GON4L: variants seen among roughly 807,000 people sequenced by gnomAD.
GON4L encodes GON-4-like protein.
GON4L carries 87 observed loss-of-function variants against 211.8 expected under a neutral mutation model. The ratio of observed to expected loss-of-function variants is 0.41; its 90% CI spans 0.35 to 0.49. GON4L has a LOEUF of 0.49. Ranked by LOEUF, GON4L falls within the 20% of genes least tolerant of loss-of-function variation. The pLI, the probability that GON4L is intolerant of heterozygous loss-of-function variation, is 0.15. For synonymous variants in GON4L, 875 were observed against 962.6 expected (o/e 0.91, Z 1.68); for missense variants, 2,155 against 2,659.5 (o/e 0.81, Z 4.17).
intron 12 of GON4L, among the ~76,000 whole-genome samples, chr1:155,793,480 G>C (rs1665794977): frequency 6.6e-6 from 1 of 152,160 alleles, no homozygotes; most frequent in East Asian, 1.9e-4. Flanking sequence ...TATTATTCCA[G>C]TACAGGGTCA....
intron 10 of GON4L, among the ~76,000 whole-genome samples, chr1:155,806,445 G>C (rs1358334726): frequency 4.0e-5 from 6 of 151,746 alleles, no homozygotes; most frequent in African/African-American, 1.5e-4. Context: ...TCCATACTCA[G>C]CTAATTTTTT....
At chr1:155,834,659 C>G (rs1670122660) in intron 2 of GON4L, among the ~76,000 whole-genome samples, 1 of 152,156 alleles carries the variant, frequency 6.6e-6, no homozygotes, top group Non-Finnish European at 1.5e-5. Flanking sequence ...CCTCCTGTTG[C>G]CCTCCTTTTA....
chr1:155,830,720 G>A (rs1448155489), intron 2 of GON4L, among the ~76,000 whole-genome samples: 2 of 152,004 alleles, frequency 1.3e-5, no homozygotes, highest in African/African-American at 2.4e-5. Context: ...CCAAGTAGCT[G>A]AGACTACAGG....
At position 155,767,539 on chromosome 1, in the gene GON4L, AAACTT is replaced by A; in HGVS notation, c.2647-3_2648del. 1.2e-6 allele frequency: 2 copies of A among 1,609,368 alleles called. No homozygotes were observed. The highest frequency in any genetic ancestry group is 1.7e-6 in the Non-Finnish European group (2 of 1,176,554). ...CTGGCAGCTGTTTGGTCTTCTTATA[AAACTT>A]AACATGAAAAAAATGCGCATGAATT... On this transcript the variant is annotated splice_acceptor_variant and splice_polypyrimidine_tract_variant and coding_sequence_variant and intron_variant, in exon 20 of 32. Transcript: ENST00000368331. LOFTEE classifies it high-confidence loss of function.
In GON4L at chr1:155,750,598, C is replaced by T. The variant is rs752311220; in HGVS notation, c.6712G>A (p.Glu2238Lys). ...TTCCCAGAGTCTCATTCATCCAGCT[C>T]CTCTTCAGACAGAAGGTCCCCATGG... ...SDHGDLLSEE[E>K]LDE is the part of the protein sequence containing the mutation. Residue 2238 changes from glutamate (E) to lysine (K), a missense_variant, in exon 32 of 32, where the codon GAG becomes AAG. Glu to Lys is a moderately conservative substitution (Grantham distance 56). Coordinates refer to ENST00000368331, the MANE Select transcript of GON4L (RefSeq NM_001282860.2). The T allele has an allele frequency of 8.2e-6, 13 of 1,588,116 alleles. No individual in the cohort carries two copies. The highest frequency in any genetic ancestry group is 1.1e-5 in the Non-Finnish European group (13 of 1,157,784).
At position 155,783,370 on chromosome 1, in the gene GON4L, AT is replaced by A. The variant is rs528281634; in HGVS notation, c.1892+615del. 1.2e-4 allele frequency among the ~76,000 whole-genome samples: 19 copies of A among 152,330 alleles called. No homozygotes were observed. In the South Asian group the frequency reaches 3.5e-3, roughly 28 times the overall value. On this transcript the variant is annotated intron_variant, in intron 14 of 31. Coordinates refer to ENST00000368331, the MANE Select transcript of GON4L (RefSeq NM_001282860.2). Reference sequence around the variant, plus strand: ...TTGTTCCACTTATGGCACAAACTGCATCCTGACATCTAGCCATCCATCTAAT... The same window carrying A: ...TTGTTCCACTTATGGCACAAACTGCACCTGACATCTAGCCATCCATCTAAT...
In GON4L at chr1:155,765,748, A is replaced by T. The variant is rs1329790570; in HGVS notation, c.3725T>A (p.Phe1242Tyr). The T allele has an allele frequency of 6.2e-7, 1 of 1,614,176 alleles. No homozygotes were observed. Among genetic ancestry groups the T allele is most frequent in the Non-Finnish European group, 8.5e-7 (1 of 1,180,028 alleles). Residue 1242 changes from phenylalanine to tyrosine, a missense_variant, in exon 21 of 32, where the codon TTT becomes TAT. By Grantham distance (22) the Phe-to-Tyr change is conservative. Transcript: ENST00000368331. The stretch of plus-strand genomic sequence containing the variant: ...CTCTAATTTGGGTTCTAGGCCCTGA[A>T]AGGCATTTTCCCCATCAGCCACAGC... The part of the protein sequence containing the change: ...ACAVADGENA[F>Y]QGLEPKLEPQ...
intron 2 of GON4L, among the ~76,000 whole-genome samples, chr1:155,840,756 G>A (rs1480001542): frequency 6.6e-6 from 1 of 152,166 alleles, no homozygotes; most frequent in Non-Finnish European, 1.5e-5. Context: ...CTTTAGGACG[G>A]GCGCAGTTGA....
intron 2 of GON4L, chr1:155,845,317 C>T (rs889155743): frequency 3.8e-4 from 73 of 192,532 alleles, no homozygotes; most frequent in African/African-American, 1.6e-3. Flanking sequence ...AATTTGCATG[C>T]TAAAAGAAAC....
intron 2 of GON4L, among the ~76,000 whole-genome samples, chr1:155,843,500 C>T (rs1174634378): frequency 6.6e-6 from 1 of 152,164 alleles, no homozygotes; most frequent in East Asian, 1.9e-4. Flanking sequence ...CTACTATTAC[C>T]TGGACCTAGG....
At chr1:155,747,960 G>T (rs566525258), downstream of GON4L, 18 of 1,572,410 alleles carry the variant, frequency 1.1e-5, no homozygotes, top group African/African-American at 2.2e-4. Flanking sequence ...ATGCAAACTG[G>T]TTTTTTTCTT....
At chr1:155,797,382 C>T (rs1479185257) in intron 11 of GON4L, among the ~76,000 whole-genome samples, 1 of 151,880 alleles carries the variant, frequency 6.6e-6, no homozygotes, top group Admixed American at 6.6e-5. Flanking sequence ...CTAAAAAGTG[C>T]TGGGATTACA....
At chr1:155,849,972 G>C (rs1050303031) in intron 2 of GON4L, among the ~76,000 whole-genome samples, 10 of 132,602 alleles carry the variant, frequency 7.5e-5, no homozygotes, top group Admixed American at 2.5e-4. Flanking sequence ...TCCTGATCTA[G>C]TATATTCTGC....
chr1:155,763,163 G>A lies in GON4L; in HGVS notation c.4726+149C>T, dbSNP rs540478344. On this transcript the variant is annotated intron_variant, in intron 22 of 31. Transcript: ENST00000368331. Reference sequence around the variant, plus strand: ...TCCACAAAGATACCACATTAAACATGTTTTGGGGGAGGGGTGTTGCAGAAG... The same window carrying A: ...TCCACAAAGATACCACATTAAACATATTTTGGGGGAGGGGTGTTGCAGAAG... The A allele has an allele frequency of 3.4e-4, 212 of 619,186 alleles. 2 individuals are homozygous for A. In the Admixed American group the frequency reaches 6.3e-3, roughly 18 times the overall value. The allele number at this position is 619,186 out of a possible 1,614,324, so 38.4% of individuals were successfully genotyped here.
At chr1:155,855,184 A>G (rs1386774177) in intron 1 of GON4L, among the ~76,000 whole-genome samples, 1 of 152,190 alleles carries the variant, frequency 6.6e-6, no homozygotes, top group Non-Finnish European at 1.5e-5. Flanking sequence ...TTACTGACCT[A>G]AACCAGAGGG....
intron 10 of GON4L, among the ~76,000 whole-genome samples, chr1:155,812,723 T>G (rs1345773928): frequency 6.6e-6 from 1 of 152,040 alleles, no homozygotes; most frequent in Non-Finnish European, 1.5e-5. Context: ...ACCTGGCAAA[T>G]TTTTGTATTT....
At chr1:155,770,433 A>C (rs1360059925) in intron 19 of GON4L, among the ~76,000 whole-genome samples, 1 of 152,236 alleles carries the variant, frequency 6.6e-6, no homozygotes, top group African/African-American at 2.4e-5. Flanking sequence ...GGAAGGCTAA[A>C]GTGGAAGGAT....
intron 10 of GON4L, among the ~76,000 whole-genome samples, chr1:155,810,039 A>C (rs982327896): frequency 6.8e-6 from 1 of 146,630 alleles, no homozygotes; most frequent in African/African-American, 2.5e-5. Flanking sequence ...TCTGTCACCC[A>C]GGCTGGAGTG....
At chr1:155,760,915 C>T (rs1183545316) in intron 23 of GON4L, among the ~76,000 whole-genome samples, 1 of 152,220 alleles carries the variant, frequency 6.6e-6, no homozygotes, top group African/African-American at 2.4e-5. Context: ...CTCTAGGTCA[C>T]AGCCCTAACC....
Sources: allele counts gnomAD v4.1 joint callset (sites outside exome capture counted in the v4.1 genomes callset), GRCh38; gene constraint gnomAD v4.1.1; transcripts MANE v1.5; gene names NCBI Gene and HGNC (gene_info 2026-07-23, HGNC 2026-07-21).